STXBP6: variants seen among roughly 807,000 people sequenced by gnomAD.
STXBP6 encodes syntaxin-binding protein 6.
STXBP6 carries 21 observed loss-of-function variants against 26.9 expected under a neutral mutation model. The observed-to-expected ratio is 0.78, with a 90% CI of 0.55 to 1.12. The LOEUF (loss-of-function observed/expected upper bound fraction) is 1.12, where lower values mean the gene tolerates loss of function less well. STXBP6 is among the 50% of genes most tolerant of loss of function. The probability of loss-of-function intolerance (pLI) is 0.00; values close to 1 mark genes in which losing one functional copy is unlikely to be tolerated. For synonymous variants in STXBP6, 97 were observed against 92.6 expected (o/e 1.05, Z -0.27); for missense variants, 232 against 257.9 (o/e 0.90, Z 0.69).
chr14:24,901,483 T>C (rs1455290895), intron 2 of STXBP6, among the ~76,000 whole-genome samples: 1 of 152,134 alleles, frequency 6.6e-6, no homozygotes, highest in African/African-American at 2.4e-5. Context: ...AAATTAGGCA[T>C]AACGTTCCCA....
chr14:24,859,982 AT>A (rs1404222446), intron 2 of STXBP6, among the ~76,000 whole-genome samples: 1 of 152,178 alleles, frequency 6.6e-6, no homozygotes, highest in East Asian at 1.9e-4. Context: ...TCATGGCTTC[AT>A]GCCTCTTCTT....
intron 4 of STXBP6, among the ~76,000 whole-genome samples, chr14:24,853,812 G>A (rs528906077): frequency 1.3e-5 from 2 of 152,154 alleles, no homozygotes; most frequent in African/African-American, 2.4e-5. Context: ...TCTCAACTCT[G>A]CATAATTTGG....
At chr14:24,987,868 A>G in intron 1 of STXBP6, 2 of 985,556 alleles carry the variant, frequency 2.0e-6, no homozygotes, top group Non-Finnish European at 1.2e-6. Context: ...GCAAAGCTGG[A>G]ATAAGATACA....
At chr14:24,977,480 G>T (rs538562392) in intron 1 of STXBP6, among the ~76,000 whole-genome samples, 1 of 151,972 alleles carries the variant, frequency 6.6e-6, no homozygotes, top group Non-Finnish European at 1.5e-5. Context: ...ACAAGTTTTA[G>T]AATCAAACAA....
chr14:24,844,210 C>T lies in STXBP6; in HGVS notation c.451+11726G>A, dbSNP rs988914710. On this transcript the variant is annotated intron_variant, in intron 4 of 5. Coordinates refer to ENST00000323944, the MANE Select transcript of STXBP6 (RefSeq NM_001394410.1). ...ACCTCAACTCCATGGGGACAGAAGC[C>T]GCTATGCTCCGGACTCTTCTGGACC... Among the ~76,000 whole-genome samples the T allele has an allele frequency of 3.9e-5, 6 of 152,190 alleles. No individual in the cohort carries two copies. In the South Asian group the frequency reaches 6.2e-4, roughly 16 times the overall value.
rs550634443 is a variant in STXBP6 at position 24,834,011 on chromosome 14, T to C, written c.452-14817A>G. The stretch of plus-strand genomic sequence containing the variant: ...CATAATTGAAAACTCATTTTTTTTT[T>C]CTTGAGACAGGATCTTGCTCGTTGC... On this transcript the variant is annotated intron_variant, in intron 4 of 5. Transcript: ENST00000323944. 6.6e-5 allele frequency among the ~76,000 whole-genome samples: 10 copies of C among 152,304 alleles called. No individual in the cohort carries two copies. In the East Asian group the frequency reaches 1.9e-3, roughly 29 times the overall value.
intron 2 of STXBP6, among the ~76,000 whole-genome samples, chr14:24,969,136 A>T (rs1005764270): frequency 6.6e-6 from 1 of 152,216 alleles, no homozygotes; most frequent in Non-Finnish European, 1.5e-5. Flanking sequence ...ATCAAAAAGC[A>T]TTCAGAACTT....
chr14:24,872,936 C>T (rs1421041860), intron 2 of STXBP6, among the ~76,000 whole-genome samples: 2 of 152,144 alleles, frequency 1.3e-5, no homozygotes, highest in Non-Finnish European at 2.9e-5. Flanking sequence ...CTTTGTTGTG[C>T]CGAATCTGAT....
chr14:25,019,781 A>G (rs1437294119), intron 1 of STXBP6, among the ~76,000 whole-genome samples: 1 of 151,978 alleles, frequency 6.6e-6, no homozygotes, highest in Non-Finnish European at 1.5e-5. Flanking sequence ...CTGCATATTG[A>G]CTAGGCAGTA....
intron 1 of STXBP6, among the ~76,000 whole-genome samples, chr14:24,997,215 C>T (rs1365227002): frequency 2.0e-5 from 3 of 152,164 alleles, no homozygotes; most frequent in Non-Finnish European, 2.9e-5. Flanking sequence ...TCCCCAACAA[C>T]AACACTCACA....
At chr14:24,907,181 A>G (rs1276024935) in intron 2 of STXBP6, among the ~76,000 whole-genome samples, 2 of 152,168 alleles carry the variant, frequency 1.3e-5, no homozygotes, top group Non-Finnish European at 2.9e-5. Context: ...GATGTTCTCA[A>G]CACGAATAAT....
intron 4 of STXBP6, among the ~76,000 whole-genome samples, chr14:24,847,946 T>G (rs1010096060): frequency 6.6e-6 from 1 of 152,124 alleles, no homozygotes; most frequent in African/African-American, 2.4e-5. Flanking sequence ...AGCAAACAAC[T>G]CAGCATCCCA....
intron 2 of STXBP6, among the ~76,000 whole-genome samples, chr14:24,965,267 T>A (rs779195291): frequency 2.0e-5 from 3 of 147,436 alleles, no homozygotes; most frequent in Non-Finnish European, 4.4e-5. Flanking sequence ...GTCTGGGTTA[T>A]CGTGTGATTT....
At chr14:24,959,081 T>C (rs1386974633) in intron 2 of STXBP6, among the ~76,000 whole-genome samples, 1 of 152,190 alleles carries the variant, frequency 6.6e-6, no homozygotes, top group Non-Finnish European at 1.5e-5. Flanking sequence ...GTTCTCAGTG[T>C]TACTATTACC....
intron 1 of STXBP6, among the ~76,000 whole-genome samples, chr14:24,980,968 A>G (rs2074175691): frequency 6.6e-6 from 1 of 152,208 alleles, no homozygotes; most frequent in South Asian, 2.1e-4. Context: ...TAGGGCCTGC[A>G]ACTTGTTTTC....
Position 24,829,718 on chromosome 14 carries a change from T to C in STXBP6, c.452-10524A>G, listed in dbSNP as rs528515537. Among the ~76,000 whole-genome samples the C allele has an allele frequency of 2.0e-4, 30 of 151,642 alleles. No individual in the cohort carries two copies. In the South Asian group the frequency reaches 5.2e-3, roughly 26 times the overall value. ...TTTTTTGGTTACCTATTATTTGCAA[T>C]AGGCACAGCAGCAGGCTGGGAACAC... On this transcript the variant is annotated intron_variant, in intron 4 of 5. Transcript: ENST00000323944.
intron 2 of STXBP6, among the ~76,000 whole-genome samples, chr14:24,871,529 G>T (rs868812281): frequency 6.6e-6 from 1 of 152,178 alleles, no homozygotes; most frequent in African/African-American, 2.4e-5. Context: ...TGTACATTAG[G>T]AATGTGCCAG....
intron 1 of STXBP6, among the ~76,000 whole-genome samples, chr14:25,041,639 G>A (rs1459193920): frequency 6.6e-6 from 1 of 152,158 alleles, no homozygotes; most frequent in Non-Finnish European, 1.5e-5. Flanking sequence ...TCACCAGAGC[G>A]GTTATGGAAA....
At chr14:24,866,344 T>TTA (rs143803105) in intron 2 of STXBP6, among the ~76,000 whole-genome samples, 3,006 of 152,192 alleles carry the variant, frequency 0.02, 119 homozygotes, top group East Asian at 0.15. Context: ...TAAATCTCTT[T>TTA]TATATATATG....
Sources: allele counts gnomAD v4.1 joint callset (sites outside exome capture counted in the v4.1 genomes callset), GRCh38; gene constraint gnomAD v4.1.1; transcripts MANE v1.5; gene names NCBI Gene and HGNC (gene_info 2026-07-23, HGNC 2026-07-21).